Variants in SKA2 observed in about 807,000 individuals in gnomAD.
SKA2 encodes spindle and kinetochore-associated protein 2.
Under a neutral mutation model 16.9 loss-of-function variants are expected in SKA2, and 13 were observed. That is an observed-to-expected ratio of 0.77 (90% confidence interval 0.50 to 1.22). SKA2 has a LOEUF of 1.22. Among genes scored for constraint, SKA2 ranks in the 50% most tolerant of loss-of-function variants. The pLI is 0.00. For missense variants in SKA2, 107 were observed against 139.7 expected (o/e 0.77, Z 1.18); for synonymous variants, 47 against 48.5 (o/e 0.97, Z 0.13).
At chr17:59,136,157 T>C (rs1259122442) in intron 1 of SKA2, among the ~76,000 whole-genome samples, 5 of 152,056 alleles carry the variant, frequency 3.3e-5, no homozygotes, top group Admixed American at 3.3e-4. Context: ...ACAGGGGCAG[T>C]ACTGACTTAT....
chr17:59,134,176 C>A (rs2046428642), intron 1 of SKA2, among the ~76,000 whole-genome samples: 1 of 152,134 alleles, frequency 6.6e-6, no homozygotes, highest in Non-Finnish European at 1.5e-5. Flanking sequence ...AGTACACTAA[C>A]CCATAAAACA....
intron 1 of SKA2, among the ~76,000 whole-genome samples, chr17:59,139,817 A>G (rs1165844604): frequency 6.6e-6 from 1 of 152,186 alleles, no homozygotes; most frequent in African/African-American, 2.4e-5. Context: ...CTTCCTGGCA[A>G]GAGATCGCTT....
Position 59,121,634 on chromosome 17 carries a change from CAA to C in SKA2, c.121-2141_121-2140del, listed in dbSNP as rs201317976. Among the ~76,000 whole-genome samples the C allele has an allele frequency of 6.1e-3, 829 of 135,438 alleles. 12 individuals are homozygous for C. The highest frequency in any genetic ancestry group is 0.022 in the African/African-American group (797 of 35,696). 88.9% of individuals were successfully genotyped at this position (135,438 alleles called of 152,430 possible). On this transcript the variant is annotated intron_variant, in intron 2 of 3. Coordinates refer to ENST00000330137, the MANE Select transcript of SKA2 (RefSeq NM_182620.4). ...CACCATTGCATTCCAGCCTGGGTGA[CAA>C]GAGCAAAACTCCCTCTCAAAAAAAA...
chr17:59,130,192 A>T (rs995497318), intron 2 of SKA2, among the ~76,000 whole-genome samples: 5 of 152,154 alleles, frequency 3.3e-5, no homozygotes, highest in African/African-American at 1.2e-4. Flanking sequence ...AAATTTTCCC[A>T]ATTTTCTATA....
intron 1 of SKA2, among the ~76,000 whole-genome samples, chr17:59,145,500 A>C (rs2046525395): frequency 6.6e-6 from 1 of 151,938 alleles, no homozygotes; most frequent in South Asian, 2.1e-4. Context: ...CTCACCTCTA[A>C]GAAGAAATCT....
At chr17:59,141,449 T>C (rs1243239001) in intron 1 of SKA2, among the ~76,000 whole-genome samples, 1 of 151,002 alleles carries the variant, frequency 6.6e-6, no homozygotes, top group Admixed American at 6.6e-5. Context: ...GCCGCGGCTG[T>C]GCACAGTGGC....
Position 59,154,833 on chromosome 17 carries a change from G to A in SKA2, c.33+298C>T, listed in dbSNP as rs1464306549. ...TTGGTACAAACACAGAATGCGGTCT[G>A]CACCCGGCGCAGTTTCGTAAGGGGT... is the stretch of plus-strand genomic sequence containing the variant. On this transcript the variant is annotated intron_variant, in intron 1 of 3. Transcript: ENST00000330137. The A allele has an allele frequency of 4.9e-6, 5 of 1,028,024 alleles. No homozygotes were observed. The African/African-American group carries it at 6.4e-5, about 13-fold the overall frequency. 63.7% of individuals were successfully genotyped at this position (1,028,024 alleles called of 1,614,324 possible).
At chr17:59,144,070 C>G (rs1038714470) in intron 1 of SKA2, among the ~76,000 whole-genome samples, 1 of 151,968 alleles carries the variant, frequency 6.6e-6, no homozygotes, top group Admixed American at 6.6e-5. Context: ...TCAGGAGAAT[C>G]GCTTGAACCC....
chr17:59,110,611 A>G lies in SKA2; in HGVS notation c.*1666T>C, dbSNP rs2046257297. 6.6e-6 allele frequency: 1 copy of G among 152,260 alleles called. No homozygotes were observed. The highest frequency in any genetic ancestry group is 1.5e-5 in the Non-Finnish European group (1 of 68,084). The allele number at this position is 152,260 out of a possible 1,614,324, so 9.4% of individuals were successfully genotyped here. ...AAAGACCAGCCTGGTCAAGATGGTG[A>G]AGCCCCATCTCTACTAAAAATACAA... On this transcript the variant is annotated 3_prime_UTR_variant, in exon 4 of 4. Coordinates refer to ENST00000330137, the MANE Select transcript of SKA2 (RefSeq NM_182620.4).
intron 1 of SKA2, among the ~76,000 whole-genome samples, chr17:59,137,598 A>G (rs2046455264): frequency 6.6e-6 from 1 of 152,216 alleles, no homozygotes; most frequent in South Asian, 2.1e-4. Context: ...ATTTCTTTAT[A>G]CTACAAATAA....
intron 1 of SKA2, chr17:59,137,819 A>G (rs775650766): frequency 3.8e-6 from 2 of 531,216 alleles, no homozygotes; most frequent in East Asian, 5.5e-5. Flanking sequence ...ACTCAGAACT[A>G]TTTACACAGC....
chr17:59,152,208 C>T (rs947220955), intron 1 of SKA2, among the ~76,000 whole-genome samples: 2 of 152,076 alleles, frequency 1.3e-5, no homozygotes, highest in Admixed American at 1.3e-4. Flanking sequence ...GGGAAAAAGT[C>T]AGAGAACAAA....
chr17:59,110,265 G>C lies in SKA2; in HGVS notation c.*2012C>G, dbSNP rs2046254883. The C allele has an allele frequency of 6.6e-6, 1 of 152,090 alleles. No homozygotes were observed. The highest frequency in any genetic ancestry group is 2.4e-5 in the African/African-American group (1 of 41,380). 9.4% of individuals were successfully genotyped at this position (152,090 alleles called of 1,614,324 possible). ...AACAACATTTGGAAGATAACTGAAG[G>C]AAATCATAGAGGAAAAATAGTACAA... On this transcript the variant is annotated 3_prime_UTR_variant, in exon 4 of 4. Coordinates refer to ENST00000330137, the MANE Select transcript of SKA2 (RefSeq NM_182620.4).
chr17:59,119,277 G>A (rs772360313), intron 3 of SKA2, 42 bp downstream of exon 3: 13 of 1,602,656 alleles, frequency 8.1e-6, no homozygotes, highest in Non-Finnish European at 1.1e-5. Flanking sequence ...AACACTCAGA[G>A]CTAAAGCTAA....
chr17:59,143,207 T>C (rs895970993), intron 1 of SKA2, among the ~76,000 whole-genome samples: 2 of 151,754 alleles, frequency 1.3e-5, no homozygotes, highest in East Asian at 1.9e-4. Context: ...TATCCAAAAC[T>C]TTTTTCTTTT....
In SKA2 at chr17:59,123,263, T is replaced by A. The variant is rs1222703504; in HGVS notation, c.121-3768A>T. Among the ~76,000 whole-genome samples the A allele has an allele frequency of 1.5e-3, 154 of 102,092 alleles. 1 individual carries two copies. The highest frequency in any genetic ancestry group is 5.6e-3 in the African/African-American group (144 of 25,756). The allele number at this position is 102,092 out of a possible 152,430, so 67.0% of individuals were successfully genotyped here. A position where few individuals can be genotyped will look rare whatever the true frequency, so the allele number is the denominator to read the frequency against. ...ATTCTTTTTTTTTTTTTTTTTTTTT[T>A]AAGAGTTAGAATTGGCTGGGTGTGA... On this transcript the variant is annotated intron_variant, in intron 2 of 3. Transcript: ENST00000330137.
At chr17:59,130,457 C>CAA (rs569934567) in intron 2 of SKA2, among the ~76,000 whole-genome samples, 111 of 70,332 alleles carry the variant, frequency 1.6e-3, no homozygotes, top group Non-Finnish European at 2.3e-3. Flanking sequence ...ACTAAAAATA[C>CAA]AAAAAAAAAA....
At chr17:59,113,541 A>G (rs2046277080) in intron 3 of SKA2, among the ~76,000 whole-genome samples, 1 of 148,526 alleles carries the variant, frequency 6.7e-6, no homozygotes, top group South Asian at 2.1e-4. Flanking sequence ...AAAAAGAAAG[A>G]GGCCGGGCAC....
At position 59,142,360 on chromosome 17, in the gene SKA2, G is replaced by A. The variant is rs2046497309; in HGVS notation, c.34-10993C>T. Among the ~76,000 whole-genome samples the A allele has an allele frequency of 2.0e-5, 3 of 148,644 alleles. No homozygotes were observed. The South Asian group carries it at 6.4e-4, about 32-fold the overall frequency. The stretch of plus-strand genomic sequence containing the variant: ...GGCTGGAGTGCAATGATGTGATCTC[G>A]GCTCACCGCAACCTCTGCCTCCTGG... On this transcript the variant is annotated intron_variant, in intron 1 of 3. Transcript: ENST00000330137.
Sources: gnomAD v4.1 joint callset for allele counts (sites outside exome capture counted in the v4.1 genomes callset) on GRCh38, gnomAD v4.1.1 for gene constraint, MANE v1.5 for transcripts, NCBI Gene and HGNC (gene_info 2026-07-23, HGNC 2026-07-21) for gene names.